The following NDST3 variants were observed in gnomAD, a reference collection of about 807,000 sequenced individuals.
The protein encoded by NDST3 is bifunctional heparan sulfate N-deacetylase/N-sulfotransferase 3.
Under a neutral mutation model 96.1 loss-of-function variants are expected in NDST3, and 58 were observed. The ratio of observed to expected loss-of-function variants is 0.60; its 90% CI spans 0.49 to 0.75. The LOEUF (loss-of-function observed/expected upper bound fraction) is 0.75, where lower values mean the gene tolerates loss of function less well. NDST3 is among the 30% of genes least tolerant of loss of function. The pLI, the probability that NDST3 is intolerant of heterozygous loss-of-function variation, is 0.00. For synonymous variants in NDST3, 333 were observed against 359.7 expected, an observed-to-expected ratio of 0.93 and a Z score of 0.84; for missense variants, 788 against 1,034.2, an observed-to-expected ratio of 0.76 and a Z score of 3.27.
intron 6 of NDST3, among the ~76,000 whole-genome samples, chr4:118,170,645 C>T (rs1735879075): frequency 1.3e-5 from 2 of 152,144 alleles, no homozygotes; most frequent in Admixed American, 1.3e-4. Context: ...AGAAGAATCG[C>T]TTGAATCCGG....
chr4:118,164,233 C>T (rs1735395251), intron 6 of NDST3, among the ~76,000 whole-genome samples: 1 of 152,096 alleles, frequency 6.6e-6, no homozygotes, highest in Non-Finnish European at 1.5e-5. Flanking sequence ...AGCAAGCTAC[C>T]ACAGGAACAG....
chr4:118,228,178 A>G (rs2125997024), intron 8 of NDST3, among the ~76,000 whole-genome samples: 1 of 152,324 alleles, frequency 6.6e-6, no homozygotes, highest in South Asian at 2.1e-4. Context: ...TCATTTGCAG[A>G]TATCAATCTG....
At chr4:118,220,047 G>A (rs1188359150) in intron 6 of NDST3, among the ~76,000 whole-genome samples, 1 of 152,106 alleles carries the variant, frequency 6.6e-6, no homozygotes, top group Non-Finnish European at 1.5e-5. Context: ...AACCATTGTG[G>A]AAGACAGTGT....
rs1209591892 is a variant in NDST3, at chr4:118,199,439, C to T, written c.1540-25052C>T. On this transcript the variant is annotated intron_variant, in intron 6 of 13. Transcript: ENST00000296499. ...ATTTTAATCTCTTTGTCAAATTCAT[C>T]TGATAGAATCCTGAATTTCTTCTCT... Among the ~76,000 whole-genome samples the T allele has an allele frequency of 2.0e-5, 3 of 152,270 alleles. No individual in the cohort carries two copies. In the East Asian group the frequency reaches 5.8e-4, roughly 29 times the overall value.
At chr4:118,064,879 A>G (rs1366421893) in intron 2 of NDST3, among the ~76,000 whole-genome samples, 2 of 152,034 alleles carry the variant, frequency 1.3e-5, no homozygotes, top group African/African-American at 4.8e-5. Flanking sequence ...TGCTTTTTCC[A>G]TCTTCTAGAT....
upstream of NDST3, chr4:118,033,675 G>T (rs1384463252): frequency 6.6e-6 from 1 of 151,778 alleles, no homozygotes; most frequent in East Asian, 2.0e-4. Context: ...TCCAGCGCAG[G>T]AGTCCCCGGC....
chr4:118,101,481 T>C (rs1319410424), intron 2 of NDST3, among the ~76,000 whole-genome samples: 1 of 152,106 alleles, frequency 6.6e-6, no homozygotes, highest in Admixed American at 6.6e-5. Context: ...TATAATTAAG[T>C]TGCACACTAT....
intron 7 of NDST3, among the ~76,000 whole-genome samples, chr4:118,226,145 C>T (rs942944624): frequency 1.3e-5 from 2 of 151,982 alleles, no homozygotes; most frequent in East Asian, 3.9e-4. Flanking sequence ...TTTGCCCATT[C>T]CTGAAATAAT....
chr4:118,095,085 A>T (rs184372456), intron 2 of NDST3, among the ~76,000 whole-genome samples: 23 of 151,862 alleles, frequency 1.5e-4, no homozygotes, highest in South Asian at 1.0e-3. Flanking sequence ...GTGAAATTTT[A>T]AAAAAAAGAA....
chr4:118,181,185 C>T (rs1736584543), intron 6 of NDST3, among the ~76,000 whole-genome samples: 5 of 152,068 alleles, frequency 3.3e-5, no homozygotes, highest in Admixed American at 2.6e-4. Flanking sequence ...ATCAGAGTCA[C>T]CAGAAGTCTC....
chr4:118,110,873 C>G (rs908518044), intron 3 of NDST3, among the ~76,000 whole-genome samples: 1 of 152,036 alleles, frequency 6.6e-6, no homozygotes, highest in Non-Finnish European at 1.5e-5. Flanking sequence ...CACATGTTCA[C>G]TACAGCACTA....
chr4:118,035,163 A>C (rs1410427129), intron 1 of NDST3, among the ~76,000 whole-genome samples: 1 of 152,196 alleles, frequency 6.6e-6, no homozygotes, highest in Non-Finnish European at 1.5e-5. Flanking sequence ...AAGCAAAGTT[A>C]CATCTTTAAG....
chr4:118,246,931 T>C (rs1202094403), intron 12 of NDST3, among the ~76,000 whole-genome samples: 1 of 152,130 alleles, frequency 6.6e-6, no homozygotes, highest in Non-Finnish European at 1.5e-5. Context: ...TTGGCAAATA[T>C]GTGGAGAAAC....
chr4:118,110,927 T>C (rs1463230038), intron 3 of NDST3, among the ~76,000 whole-genome samples: 2 of 152,078 alleles, frequency 1.3e-5, no homozygotes, highest in African/African-American at 4.8e-5. Context: ...TGTCCATCAA[T>C]GGTGGATTGG....
At chr4:118,156,968 C>T (rs548104397) in intron 6 of NDST3, among the ~76,000 whole-genome samples, 3 of 152,224 alleles carry the variant, frequency 2.0e-5, no homozygotes, top group Admixed American at 6.5e-5. Context: ...GGAATTACCA[C>T]AAAGTCAATT....
intron 6 of NDST3, among the ~76,000 whole-genome samples, chr4:118,156,534 T>C (rs189091616): frequency 2.7e-4 from 41 of 152,288 alleles, no homozygotes; most frequent in African/African-American, 9.9e-4. Context: ...TCCCATGACT[T>C]CCCATGACTA....
intron 12 of NDST3, among the ~76,000 whole-genome samples, chr4:118,245,730 T>G (rs1488760409): frequency 1.3e-5 from 2 of 152,170 alleles, no homozygotes; most frequent in Admixed American, 6.6e-5. Context: ...TTTCTTATTA[T>G]AAATTTTTAA....
intron 12 of NDST3, among the ~76,000 whole-genome samples, chr4:118,245,909 C>T (rs958000023): frequency 2.0e-5 from 3 of 152,060 alleles, no homozygotes; most frequent in African/African-American, 7.2e-5. Flanking sequence ...GTTGAGGAGG[C>T]AGGATTGAAA....
At chr4:118,212,976 G>C (rs1738905181) in intron 6 of NDST3, among the ~76,000 whole-genome samples, 1 of 152,110 alleles carries the variant, frequency 6.6e-6, no homozygotes, top group South Asian at 2.1e-4. Flanking sequence ...AATTCATCTG[G>C]AGCTGTTAAA....
Sources: gnomAD v4.1 joint callset for allele counts (sites outside exome capture counted in the v4.1 genomes callset) on GRCh38, gnomAD v4.1.1 for gene constraint, MANE v1.5 for transcripts, NCBI Gene and HGNC (gene_info 2026-07-23, HGNC 2026-07-21) for gene names.